Variants in MDGA2 observed in about 807,000 individuals in gnomAD.
MDGA2 encodes MAM domain containing glycosylphosphatidylinositol anchor 2.
Under a neutral mutation model 117.8 loss-of-function variants are expected in MDGA2, and 40 were observed. The ratio of observed to expected loss-of-function variants is 0.34; its 90% CI spans 0.26 to 0.44. The LOEUF (loss-of-function observed/expected upper bound fraction) is 0.44. Ranked by LOEUF, MDGA2 falls within the 20% of genes least tolerant of loss-of-function variation. MDGA2 has a pLI of 1.00. For missense variants in MDGA2, 1,123 were observed against 1,250.6 expected (o/e 0.90, Z 1.54); for synonymous variants, 452 against 439.0 (o/e 1.03, Z -0.37).
intron 1 of MDGA2, among the ~76,000 whole-genome samples, chr14:47,614,291 T>C (rs899153278): frequency 1.3e-5 from 2 of 152,042 alleles, no homozygotes; most frequent in Non-Finnish European, 2.9e-5. Flanking sequence ...GGTTTCACCA[T>C]GTTACTCAGG....
At chr14:46,999,597 C>G (rs556259209) in intron 8 of MDGA2, among the ~76,000 whole-genome samples, 2 of 152,080 alleles carry the variant, frequency 1.3e-5, no homozygotes, top group African/African-American at 4.8e-5. Flanking sequence ...ATAAGTATAA[C>G]TGAATAAACA....
chr14:47,590,252 G>C (rs1896411620), intron 1 of MDGA2, among the ~76,000 whole-genome samples: 1 of 151,864 alleles, frequency 6.6e-6, no homozygotes, highest in African/African-American at 2.4e-5. Context: ...AGTAGGAGCA[G>C]ATACCACTTT....
chr14:47,085,160 C>T (rs1890851773), intron 6 of MDGA2, among the ~76,000 whole-genome samples: 1 of 150,098 alleles, frequency 6.7e-6, no homozygotes, highest in East Asian at 1.9e-4. Flanking sequence ...TAATAGTATA[C>T]CTAAAGGAAC....
At chr14:47,311,097 T>A (rs1889619843) in intron 1 of MDGA2, among the ~76,000 whole-genome samples, 1 of 152,034 alleles carries the variant, frequency 6.6e-6, no homozygotes, top group African/African-American at 2.4e-5. Flanking sequence ...AAGGCAGAGG[T>A]ACTAATGACA....
intron 1 of MDGA2, among the ~76,000 whole-genome samples, chr14:47,478,293 C>T (rs922014081): frequency 6.6e-6 from 1 of 152,078 alleles, no homozygotes; most frequent in Non-Finnish European, 1.5e-5. Flanking sequence ...TCTAAAAGAA[C>T]ACATTGATGG....
At chr14:47,088,741 T>C (rs369280488) in intron 6 of MDGA2, among the ~76,000 whole-genome samples, 41 of 152,192 alleles carry the variant, frequency 2.7e-4, no homozygotes, top group African/African-American at 9.4e-4. Flanking sequence ...TTCTTGCTTA[T>C]GCTGAATGTT....
chr14:47,534,509 A>G (rs545562831), intron 1 of MDGA2, among the ~76,000 whole-genome samples: 14 of 152,182 alleles, frequency 9.2e-5, no homozygotes, highest in East Asian at 1.9e-4. Flanking sequence ...TGTCTTACAT[A>G]GCAGCAAGTG....
chr14:47,665,887 G>A lies in MDGA2; in HGVS notation c.280+8630C>T, dbSNP rs562501112. Among the ~76,000 whole-genome samples the A allele has an allele frequency of 5.6e-3, 787 of 140,898 alleles. 11 individuals are homozygous for A. The highest frequency in any genetic ancestry group is 0.019 in the African/African-American group (704 of 37,346). The allele number at this position is 140,898 out of a possible 152,430, so 92.4% of individuals were successfully genotyped here. A position where few individuals can be genotyped will look rare whatever the true frequency, so the allele number is the denominator to read the frequency against. On this transcript the variant is annotated intron_variant, in intron 1 of 16. Coordinates refer to ENST00000399232, the MANE Select transcript of MDGA2 (RefSeq NM_001113498.3). ...CGTTGCCTCAGCCTCCCTGAGGAGCGCGGCCCCCTGCTCCATGGTGCCCAG... is the reference window on the plus strand; with the variant it reads ...CGTTGCCTCAGCCTCCCTGAGGAGCACGGCCCCCTGCTCCATGGTGCCCAG...
chr14:47,626,719 G>C (rs1897150409), intron 1 of MDGA2, among the ~76,000 whole-genome samples: 1 of 152,204 alleles, frequency 6.6e-6, no homozygotes, highest in African/African-American at 2.4e-5. Flanking sequence ...TGCTGTGTTG[G>C]ATTTCTCCCC....
At chr14:47,456,523 G>A (rs1313912886) in intron 1 of MDGA2, among the ~76,000 whole-genome samples, 1 of 150,668 alleles carries the variant, frequency 6.6e-6, no homozygotes, top group South Asian at 2.1e-4. Flanking sequence ...GGCTGGTATC[G>A]AACTCCCAAC....
rs1895797132 is a variant in MDGA2 at position 47,561,153 on chromosome 14, G to GGTTTTTTTTTTTTTTTT, written c.280+113363_280+113364insAAAAAAAAAAAAAAAAC. 7.2e-4 allele frequency among the ~76,000 whole-genome samples: 46 copies of GGTTTTTTTTTTTTTTTT among 63,900 alleles called. 2 individuals carry two copies. The East Asian group carries it at 7.2e-3, about 10-fold the overall frequency. 41.9% of individuals were successfully genotyped at this position (63,900 alleles called of 152,430 possible). A position where few individuals can be genotyped will look rare whatever the true frequency, so the allele number is the denominator to read the frequency against. On this transcript the variant is annotated intron_variant, in intron 1 of 16. Coordinates refer to ENST00000399232, the MANE Select transcript of MDGA2 (RefSeq NM_001113498.3). ...TACCTCTATCTTTGTTTTTTTTTTT[G>GGTTTTTTTTTTTTTTTT]TTTTGTTTTGTTTTTTTGTTTGTTT...
At chr14:47,536,044 A>C (rs1895203563) in intron 1 of MDGA2, among the ~76,000 whole-genome samples, 1 of 152,204 alleles carries the variant, frequency 6.6e-6, no homozygotes, top group African/African-American at 2.4e-5. Flanking sequence ...ATACCTTGAA[A>C]GTCATTAAGT....
chr14:46,882,338 C>A (rs546182619), intron 10 of MDGA2, 117 bp from the exon 11 acceptor site: 2 of 789,058 alleles, frequency 2.5e-6, no homozygotes, highest in South Asian at 2.3e-5. Flanking sequence ...TTAATGAATA[C>A]GTATTATTAA....
chr14:47,462,870 C>T (rs114342342), intron 1 of MDGA2, among the ~76,000 whole-genome samples: 2,756 of 152,258 alleles, frequency 0.018, 77 homozygotes, highest in African/African-American at 0.062. Context: ...AACACGTTAG[C>T]AACATATAAA....
At chr14:47,471,813 T>C (rs115220441) in intron 1 of MDGA2, among the ~76,000 whole-genome samples, 29 of 152,200 alleles carry the variant, frequency 1.9e-4, no homozygotes, top group African/African-American at 6.5e-4. Flanking sequence ...GTTCCAATTT[T>C]ATATAATAAT....
chr14:46,861,074 T>G (rs545302653), intron 14 of MDGA2, among the ~76,000 whole-genome samples: 1 of 152,058 alleles, frequency 6.6e-6, no homozygotes, highest in East Asian at 1.9e-4. Context: ...TTGAGGCTTC[T>G]CTTATACCCT....
chr14:46,876,709 A>AC (rs551998704), intron 12 of MDGA2, among the ~76,000 whole-genome samples: 28 of 151,374 alleles, frequency 1.8e-4, no homozygotes, highest in Admixed American at 1.3e-3. Flanking sequence ...ACAAAACAAA[A>AC]AAAAACTCAG....
chr14:47,121,750 T>G (rs1255198201), intron 5 of MDGA2, among the ~76,000 whole-genome samples: 1 of 152,094 alleles, frequency 6.6e-6, no homozygotes, highest in Non-Finnish European at 1.5e-5. Context: ...GCCTTACAGC[T>G]TGGAGAAGAA....
intron 14 of MDGA2, among the ~76,000 whole-genome samples, chr14:46,856,482 A>G (rs1041890744): frequency 3.3e-5 from 5 of 152,112 alleles, no homozygotes; most frequent in South Asian, 2.1e-4. Context: ...CCTTTGCTAG[A>G]TAACTAGTAA....
Sources: allele counts gnomAD v4.1 joint callset (sites outside exome capture counted in the v4.1 genomes callset), GRCh38; gene constraint gnomAD v4.1.1; transcripts MANE v1.5; gene names NCBI Gene and HGNC (gene_info 2026-07-23, HGNC 2026-07-21).